The following NXPH1 variants were observed in gnomAD, a reference collection of about 807,000 sequenced individuals.
NXPH1 encodes the protein neurexophilin 1.
NXPH1 carries 5 observed loss-of-function variants against 23.7 expected under a neutral mutation model. That is an observed-to-expected ratio of 0.21 (90% CI 0.11 to 0.44). NXPH1 has a LOEUF of 0.44. Ranked by LOEUF, NXPH1 falls within the 20% of genes least tolerant of loss-of-function variation. NXPH1 has a pLI of 0.99. For missense variants in NXPH1, 324 were observed against 321.6 expected, an observed-to-expected ratio of 1.01 and a Z score of -0.06; for synonymous variants, 144 against 122.2, an observed-to-expected ratio of 1.18 and a Z score of -1.18.
In NXPH1 at chr7:8,743,689, C is replaced by CTT. The variant is rs5882188; in HGVS notation, c.55-7308_55-7307dup. ...TGTGGCAACTCTTTTTTTTTCTTTT[C>CTT]TTTTTTTTTTTTGAGATTGAGTCTC... On this transcript the variant is annotated intron_variant, in intron 2 of 2. Coordinates refer to ENST00000405863, the MANE Select transcript of NXPH1 (RefSeq NM_152745.3). Among the ~76,000 whole-genome samples the CTT allele has an allele frequency of 1.3e-3, 179 of 141,654 alleles. No homozygotes were observed. The Middle Eastern group carries it at 0.018, about 14-fold the overall frequency. 92.9% of individuals were successfully genotyped at this position (141,654 alleles called of 152,430 possible). A position where few individuals can be genotyped will look rare whatever the true frequency, so the allele number is the denominator to read the frequency against.
rs528539246 is a variant in NXPH1, at chr7:8,540,827, G to A, written c.54+105060G>A. The stretch of plus-strand genomic sequence containing the variant: ...GACTTGAAAACCTCATGATTCATGG[G>A]CTGAAAGGTTCTTGTCTCAGTGGTG... On this transcript the variant is annotated intron_variant, in intron 2 of 2. Transcript: ENST00000405863. 4.0e-5 allele frequency among the ~76,000 whole-genome samples: 6 copies of A among 151,774 alleles called. 1 individual carries two copies. The South Asian group carries it at 1.3e-3, about 32-fold the overall frequency.
At chr7:8,622,067 C>T (rs1233914544) in intron 2 of NXPH1, among the ~76,000 whole-genome samples, 4 of 152,102 alleles carry the variant, frequency 2.6e-5, no homozygotes, top group African/African-American at 9.7e-5. Context: ...TTCGGAGTTA[C>T]TACTAGCAAA....
At position 8,597,231 on chromosome 7, in the gene NXPH1, G is replaced by T. The variant is rs77791037; in HGVS notation, c.55-153777G>T. Among the ~76,000 whole-genome samples the T allele has an allele frequency of 5.9e-5, 9 of 152,230 alleles. No homozygotes were observed. The East Asian group carries it at 1.7e-3, about 29-fold the overall frequency. On this transcript the variant is annotated intron_variant, in intron 2 of 2. Coordinates refer to ENST00000405863, the MANE Select transcript of NXPH1 (RefSeq NM_152745.3). ...ATAGAGACTGACAACAACAAAGACA[G>T]TTGGGTCTTTTCAGCCAGAGTACGA...
At chr7:8,651,106 A>G (rs907639080) in intron 2 of NXPH1, among the ~76,000 whole-genome samples, 5 of 149,398 alleles carry the variant, frequency 3.3e-5, no homozygotes, top group East Asian at 2.0e-4. Flanking sequence ...ATATCTCCCA[A>G]TGCTATCCCT....
At chr7:8,586,561 AG>A (rs1818985429) in intron 2 of NXPH1, among the ~76,000 whole-genome samples, 1 of 151,852 alleles carries the variant, frequency 6.6e-6, no homozygotes, top group African/African-American at 2.4e-5. Context: ...CAAGGTAGAA[AG>A]GGGATTAAGG....
At chr7:8,695,218 G>A (rs536365560) in intron 2 of NXPH1, among the ~76,000 whole-genome samples, 15 of 152,240 alleles carry the variant, frequency 9.9e-5, no homozygotes, top group South Asian at 4.1e-4. Context: ...AGGTCTTGGC[G>A]GATGCTAGGT....
intron 2 of NXPH1, among the ~76,000 whole-genome samples, chr7:8,739,171 T>TAAAAAAAAAAA (rs34593997): frequency 4.3e-4 from 23 of 54,046 alleles, no homozygotes; most frequent in Admixed American, 9.0e-4. Context: ...ACCAGTGGGG[T>TAAAAAAAAAAA]AAAAAAAAAA....
intron 2 of NXPH1, among the ~76,000 whole-genome samples, chr7:8,693,668 AT>A (rs200964093): frequency 0.013 from 2,017 of 152,140 alleles, 24 homozygotes; most frequent in Non-Finnish European, 0.022. Flanking sequence ...ATCAATAAAT[AT>A]TTTTTCCTTT....
Position 8,452,588 on chromosome 7 carries a change from T to C in NXPH1, c.54+16821T>C, listed in dbSNP as rs114075606. ...CTGATTTAATAGGTCAGATTATTCATGGTGGGGAATTCAAGCAATTAATTA... is the reference window on the plus strand; with the variant it reads ...CTGATTTAATAGGTCAGATTATTCACGGTGGGGAATTCAAGCAATTAATTA... On this transcript the variant is annotated intron_variant, in intron 2 of 2. Transcript: ENST00000405863. 9.8e-3 allele frequency among the ~76,000 whole-genome samples: 1,495 copies of C among 152,250 alleles called. 23 individuals are homozygous for C. Among genetic ancestry groups the C allele is most frequent in the African/African-American group, 0.034 (1,407 of 41,540 alleles).
intron 2 of NXPH1, among the ~76,000 whole-genome samples, chr7:8,735,986 C>A (rs745750440): frequency 2.0e-4 from 30 of 152,048 alleles, no homozygotes; most frequent in Non-Finnish European, 3.5e-4. Flanking sequence ...GTGATATCCC[C>A]TTTATCATTT....
intron 2 of NXPH1, among the ~76,000 whole-genome samples, chr7:8,740,374 T>G (rs1780340973): frequency 1.3e-5 from 2 of 152,210 alleles, no homozygotes; most frequent in African/African-American, 4.8e-5. Flanking sequence ...GGCATGTATT[T>G]ATCCCCATGA....
intron 2 of NXPH1, among the ~76,000 whole-genome samples, chr7:8,484,758 T>TAGTGGTATCC (rs1817130111): frequency 6.6e-6 from 1 of 152,184 alleles, no homozygotes; most frequent in African/African-American, 2.4e-5. Flanking sequence ...TCTATAAAAA[T>TAGTGGTATCC]AGTGGTATCC....
chr7:8,462,914 G>A (rs1816719214), intron 2 of NXPH1, among the ~76,000 whole-genome samples: 1 of 152,124 alleles, frequency 6.6e-6, no homozygotes, highest in African/African-American at 2.4e-5. Flanking sequence ...TTTATAGTTA[G>A]ACTAATAAAA....
intron 2 of NXPH1, among the ~76,000 whole-genome samples, chr7:8,640,189 G>T (rs112848085): frequency 6.6e-6 from 1 of 151,742 alleles, no homozygotes; most frequent in Non-Finnish European, 1.5e-5. Context: ...AAGGCCTTTG[G>T]GCTTCATATC....
chr7:8,699,800 C>G (rs17154210), intron 2 of NXPH1, among the ~76,000 whole-genome samples: 16,334 of 152,114 alleles, frequency 0.11, 1,436 homozygotes, highest in African/African-American at 0.24. Context: ...GGGCAATCCA[C>G]AATATCATGG....
intron 2 of NXPH1, among the ~76,000 whole-genome samples, chr7:8,703,020 A>G (rs531574379): frequency 6.6e-6 from 1 of 152,260 alleles, no homozygotes; most frequent in Non-Finnish European, 1.5e-5. Flanking sequence ...TAGAGGGCAC[A>G]TGAGGAGGCT....
At chr7:8,629,073 G>C (rs189943308) in intron 2 of NXPH1, among the ~76,000 whole-genome samples, 1 of 151,638 alleles carries the variant, frequency 6.6e-6, no homozygotes. Context: ...ACAAATTTTC[G>C]AATACAAAAG....
rs117263736 is a variant in NXPH1 at position 8,464,662 on chromosome 7, G to A, written c.54+28895G>A. On this transcript the variant is annotated intron_variant, in intron 2 of 2. Coordinates refer to ENST00000405863, the MANE Select transcript of NXPH1 (RefSeq NM_152745.3). ...CCTAGAAAAGATAACCAATTTCCTC[G>A]TTTATTAAAATCTAGGACAATAAAG... Among the ~76,000 whole-genome samples the A allele has an allele frequency of 2.5e-3, 378 of 152,118 alleles. 7 individuals carry two copies. The East Asian group carries it at 0.061, about 25-fold the overall frequency.
At chr7:8,510,108 G>A (rs1281776329) in intron 2 of NXPH1, among the ~76,000 whole-genome samples, 1 of 152,062 alleles carries the variant, frequency 6.6e-6, no homozygotes, top group Non-Finnish European at 1.5e-5. Context: ...AAGATGGCTG[G>A]GAAAATTGTT....
Sources: allele counts gnomAD v4.1 joint callset (sites outside exome capture counted in the v4.1 genomes callset), GRCh38; gene constraint gnomAD v4.1.1; transcripts MANE v1.5; gene names NCBI Gene and HGNC (gene_info 2026-07-23, HGNC 2026-07-21).